The following ZNF469 variants were observed in gnomAD, a reference collection of about 807,000 sequenced individuals.
ZNF469 encodes zinc finger protein 469.
A neutral mutation model predicts 1.0 loss-of-function variants in ZNF469; 1 was observed. The ratio of observed to expected loss-of-function variants is 1.00; its 90% CI spans 0.35 to 4.73. ZNF469 has a LOEUF of 4.73. ZNF469 is among the 30% of genes most tolerant of loss of function. ZNF469 has a pLI of 0.16. For synonymous variants in ZNF469, 2,703 were observed against 2,363.4 expected, an observed-to-expected ratio of 1.14 and a Z score of -4.17; for missense variants, 6,100 against 5,356.3, an observed-to-expected ratio of 1.14 and a Z score of -4.33.
the ZNF469 span, among the ~76,000 whole-genome samples, chr16:88,318,207 G>A: frequency 6.6e-6 from 1 of 152,358 alleles, no homozygotes; most frequent in South Asian, 2.1e-4. Flanking sequence ...GAGGCCGCTG[G>A]TTCTCCAGGG....
At chr16:88,413,975 GCTGCCAC>G (rs1905242261) in intron 1 of ZNF469, among the ~76,000 whole-genome samples, 2 of 152,262 alleles carry the variant, frequency 1.3e-5, no homozygotes, top group Admixed American at 1.3e-4. Context: ...GAAGGGCCCT[GCTGCCAC>G]CTGGCCAGTG....
At chr16:88,184,790 G>C in the ZNF469 span, among the ~76,000 whole-genome samples, 2 of 152,342 alleles carry the variant, frequency 1.3e-5, no homozygotes, top group African/African-American at 4.8e-5. Flanking sequence ...CCTCAACCTC[G>C]TCACGCTGCA....
chr16:88,179,048 C>T, the ZNF469 span: 20,906 of 152,324 alleles, frequency 0.14, 1,937 homozygotes, highest in African/African-American at 0.26. Context: ...CGAAGACGGG[C>T]GTGTGATCCT....
chr16:88,148,385 A>G, the ZNF469 span, among the ~76,000 whole-genome samples: 4 of 152,114 alleles, frequency 2.6e-5, no homozygotes, highest in South Asian at 2.1e-4. Flanking sequence ...ACACACACCA[A>G]TGGCCCAAGG....
At chr16:88,184,907 ACT>A in the ZNF469 span, among the ~76,000 whole-genome samples, 49 of 152,228 alleles carry the variant, frequency 3.2e-4, no homozygotes, top group Non-Finnish European at 5.6e-4. Flanking sequence ...ACATGCACAC[ACT>A]CACACAATAG....
At chr16:88,199,422 C>G in the ZNF469 span, among the ~76,000 whole-genome samples, 1 of 152,236 alleles carries the variant, frequency 6.6e-6, no homozygotes, top group Admixed American at 6.5e-5. Context: ...GCCCACATGT[C>G]CCTGGTCTTC....
the ZNF469 span, among the ~76,000 whole-genome samples, chr16:88,186,584 C>G: frequency 2.0e-5 from 3 of 152,116 alleles, no homozygotes; most frequent in Non-Finnish European, 4.4e-5. Context: ...ACGAAGAGGC[C>G]GAACACAGCA....
At chr16:88,274,148 G>A in the ZNF469 span, among the ~76,000 whole-genome samples, 1 of 152,202 alleles carries the variant, frequency 6.6e-6, no homozygotes, top group Non-Finnish European at 1.5e-5. Context: ...ACATGCTACT[G>A]CATGGACGGA....
chr16:88,429,947 C>T lies in ZNF469; in HGVS notation c.2477C>T (p.Pro826Leu), dbSNP rs772056680. Residue 826 changes from proline to leucine, a missense_variant, in exon 3 of 3, where the codon CCG becomes CTG. By Grantham distance (98) the Pro-to-Leu change is moderately conservative. Coordinates refer to ENST00000565624, the MANE Select transcript of ZNF469 (RefSeq NM_001367624.2). Reference protein sequence around the residue: ...FLPSLAATPFPLPASDLDMED... With the variant: ...FLPSLAATPFLLPASDLDMED... ...CCCAGCCTGGCCGCCACCCCCTTCC[C>T]GCTCCCTGCCTCGGACCTGGACATG... 175 of 1,550,210 alleles carry T rather than the reference C, an allele frequency of 1.1e-4. No homozygotes were observed. Among genetic ancestry groups the T allele is most frequent in the Non-Finnish European group, 1.5e-4 (167 of 1,146,960 alleles).
the ZNF469 span, among the ~76,000 whole-genome samples, chr16:88,116,232 C>T: frequency 6.6e-6 from 1 of 152,194 alleles, no homozygotes; most frequent in African/African-American, 2.4e-5. Context: ...GTGCTCCTTG[C>T]CAGCAGCTGT....
At chr16:88,402,738 C>T (rs901238750) in intron 1 of ZNF469, among the ~76,000 whole-genome samples, 6 of 152,222 alleles carry the variant, frequency 3.9e-5, no homozygotes, top group Non-Finnish European at 8.8e-5. Context: ...CCCCCGCCTG[C>T]CTCTGGACAT....
At chr16:88,204,047 G>C in the ZNF469 span, among the ~76,000 whole-genome samples, 1 of 143,966 alleles carries the variant, frequency 6.9e-6, no homozygotes, top group African/African-American at 2.8e-5. Flanking sequence ...GAGGTGCCCC[G>C]TAACCCCATA....
chr16:88,432,184 G>A lies in ZNF469; in HGVS notation c.4714G>A (p.Glu1572Lys). 6.5e-7 allele frequency: 1 copy of A among 1,550,340 alleles called. No individual in the cohort carries two copies. Among genetic ancestry groups the A allele is most frequent in the Admixed American group, 2.0e-5 (1 of 51,006 alleles). The change falls in exon 3 of 3, where the codon GAA (glutamate) becomes AAA (lysine). Residue 1572 changes from glutamate to lysine, a missense_variant. By Grantham distance (56) the Glu-to-Lys change is moderately conservative. Coordinates refer to ENST00000565624, the MANE Select transcript of ZNF469 (RefSeq NM_001367624.2). Reference protein sequence around the residue: ...LEIQKLVTELESQLQRSKDTR... With the variant: ...LEIQKLVTELKSQLQRSKDTR... ...GATCCAGAAATTGGTCACCGAATTA[G>A]AAAGTCAGCTGCAAAGGAGCAAAGA...
chr16:88,105,255 C>G, the ZNF469 span, among the ~76,000 whole-genome samples: 36 of 151,694 alleles, frequency 2.4e-4, no homozygotes, highest in Admixed American at 2.4e-3. Flanking sequence ...ATCCTCAACA[C>G]TATAAAGGCC....
chr16:88,282,427 G>A, the ZNF469 span, among the ~76,000 whole-genome samples: 37 of 152,268 alleles, frequency 2.4e-4, no homozygotes, highest in African/African-American at 8.7e-4. Context: ...TGAGGTCACT[G>A]TGAAACAATC....
the ZNF469 span, among the ~76,000 whole-genome samples, chr16:88,136,918 C>T: frequency 6.6e-6 from 1 of 152,240 alleles, no homozygotes; most frequent in African/African-American, 2.4e-5. Context: ...AAGTTCTGTC[C>T]TCCACACTCA....
chr16:88,342,677 G>A, the ZNF469 span, among the ~76,000 whole-genome samples: 2 of 152,230 alleles, frequency 1.3e-5, no homozygotes, highest in African/African-American at 2.4e-5. Flanking sequence ...AGACCATGGG[G>A]GGACTGAGGC....
At chr16:88,354,438 C>T in the ZNF469 span, among the ~76,000 whole-genome samples, 98 of 152,256 alleles carry the variant, frequency 6.4e-4, no homozygotes, top group African/African-American at 2.2e-3. Context: ...CCAGCTCGTG[C>T]TCCAGAATTA....
At chr16:88,175,407 G>C in the ZNF469 span, among the ~76,000 whole-genome samples, 1 of 152,148 alleles carries the variant, frequency 6.6e-6, no homozygotes, top group Non-Finnish European at 1.5e-5. Flanking sequence ...AATAAACATG[G>C]AACATTCATC....
Sources: gnomAD v4.1 joint callset for allele counts (sites outside exome capture counted in the v4.1 genomes callset) on GRCh38, gnomAD v4.1.1 for gene constraint, MANE v1.5 for transcripts, NCBI Gene and HGNC (gene_info 2026-07-23, HGNC 2026-07-21) for gene names.